LOC128462377: variants seen among roughly 807,000 people sequenced by gnomAD.
chr16:89,411,361 A>G, the LOC128462377 span, among the ~76,000 whole-genome samples: 1 of 152,250 alleles, frequency 6.6e-6, no homozygotes, highest in South Asian at 2.1e-4. Context: ...GAAGAGGAGC[A>G]GGCTGCCCTG....
At chr16:89,393,658 G>A in the LOC128462377 span, among the ~76,000 whole-genome samples, 3 of 151,984 alleles carry the variant, frequency 2.0e-5, no homozygotes, top group African/African-American at 7.3e-5. Flanking sequence ...CCTCTTAGGT[G>A]GAGTAATCAC....
the LOC128462377 span, among the ~76,000 whole-genome samples, chr16:89,353,668 C>T: frequency 6.6e-6 from 1 of 152,222 alleles, no homozygotes; most frequent in South Asian, 2.1e-4. Context: ...TTAGTAGAGA[C>T]AGGGTTTCAT....
chr16:89,402,668 G>A, the LOC128462377 span, among the ~76,000 whole-genome samples: 2 of 150,110 alleles, frequency 1.3e-5, no homozygotes, highest in African/African-American at 2.5e-5. Context: ...TGAGGTGAAG[G>A]GGGTGGTTCT....
At chr16:89,374,076 G>A in the LOC128462377 span, among the ~76,000 whole-genome samples, 5 of 152,200 alleles carry the variant, frequency 3.3e-5, no homozygotes, top group Admixed American at 2.0e-4. Context: ...CCGCAGAGAG[G>A]GGTGTTAACC....
At chr16:89,346,643 G>C in the LOC128462377 span, among the ~76,000 whole-genome samples, 1 of 152,146 alleles carries the variant, frequency 6.6e-6, no homozygotes, top group African/African-American at 2.4e-5. Context: ...CTAAGGATGA[G>C]GGAGGAGGGA....
the LOC128462377 span, among the ~76,000 whole-genome samples, chr16:89,332,082 G>A: frequency 2.4e-3 from 362 of 152,066 alleles, 2 homozygotes; most frequent in Admixed American, 0.014. Context: ...GATCCCAGGA[G>A]TTTGAGACCA....
chr16:89,343,718 G>A, the LOC128462377 span: 1 of 152,288 alleles, frequency 6.6e-6, no homozygotes, highest in South Asian at 2.1e-4. Context: ...TATTACAGAT[G>A]AGTCACAGCT....
the LOC128462377 span, among the ~76,000 whole-genome samples, chr16:89,363,882 C>G: frequency 6.6e-6 from 1 of 151,890 alleles, no homozygotes; most frequent in African/African-American, 2.4e-5. Context: ...GTGGCAAAAC[C>G]CTGTCTCTAC....
At chr16:89,391,227 CAAAA>C in the LOC128462377 span, among the ~76,000 whole-genome samples, 5 of 95,296 alleles carry the variant, frequency 5.2e-5, no homozygotes, top group African/African-American at 1.1e-4. Context: ...GACTCTGTCT[CAAAA>C]AAAAAAAAAA....
chr16:89,336,799 C>T, the LOC128462377 span, among the ~76,000 whole-genome samples: 76 of 152,204 alleles, frequency 5.0e-4, no homozygotes, highest in African/African-American at 1.8e-3. Context: ...ACAAGTGTAA[C>T]ATTTTAAATA....
chr16:89,334,911 A>G, the LOC128462377 span, among the ~76,000 whole-genome samples: 1 of 152,090 alleles, frequency 6.6e-6, no homozygotes, highest in Non-Finnish European at 1.5e-5. Context: ...TTCTGCATGC[A>G]TGAGGGCCCC....
the LOC128462377 span, among the ~76,000 whole-genome samples, chr16:89,352,544 C>T: frequency 1.3e-5 from 2 of 152,320 alleles, no homozygotes; most frequent in Middle Eastern, 3.4e-3. Context: ...GCCCTGCCCC[C>T]AAGAGTGAGG....
chr16:89,383,088 C>T, the LOC128462377 span, among the ~76,000 whole-genome samples: 1 of 152,172 alleles, frequency 6.6e-6, no homozygotes. Flanking sequence ...ACTTTCACAC[C>T]ACTGTAATAT....
At chr16:89,374,230 T>C in the LOC128462377 span, among the ~76,000 whole-genome samples, 11 of 152,304 alleles carry the variant, frequency 7.2e-5, no homozygotes, top group African/African-American at 2.6e-4. Context: ...AGTATTTTCA[T>C]AGAAATCAAT....
chr16:89,321,834 A>C, the LOC128462377 span, among the ~76,000 whole-genome samples: 1 of 151,826 alleles, frequency 6.6e-6, no homozygotes, highest in Non-Finnish European at 1.5e-5. Context: ...ATTTTCTTCC[A>C]CCTCTGCCTC....
the LOC128462377 span, among the ~76,000 whole-genome samples, chr16:89,384,218 TCAAAAACAAA>T: frequency 2.0e-5 from 3 of 152,018 alleles, no homozygotes; most frequent in Non-Finnish European, 4.4e-5. Context: ...AGACTCCATC[TCAAAAACAAA>T]CAAAAACAAA....
the LOC128462377 span, among the ~76,000 whole-genome samples, chr16:89,321,515 C>T: frequency 6.6e-6 from 1 of 151,854 alleles, no homozygotes; most frequent in Non-Finnish European, 1.5e-5. Flanking sequence ...AGGGGCTGCC[C>T]AGGAGCACTC....
At chr16:89,335,163 G>A in the LOC128462377 span, among the ~76,000 whole-genome samples, 1 of 152,206 alleles carries the variant, frequency 6.6e-6, no homozygotes, top group South Asian at 2.1e-4. Flanking sequence ...TGGGGGCACT[G>A]TGGAAAGCAC....
chr16:89,351,106 G>C, the LOC128462377 span, among the ~76,000 whole-genome samples: 6 of 152,306 alleles, frequency 3.9e-5, no homozygotes, highest in African/African-American at 1.4e-4. Flanking sequence ...GTACCTCAAA[G>C]AAGCTCTCAG....
Sources: allele counts gnomAD v4.1 joint callset (sites outside exome capture counted in the v4.1 genomes callset), GRCh38; gene constraint gnomAD v4.1.1; transcripts MANE v1.5.